LUZP2: variants seen among roughly 807,000 people sequenced by gnomAD.
LUZP2 encodes the protein leucine zipper protein 2.
Under a neutral mutation model 51.6 loss-of-function variants are expected in LUZP2, and 52 were observed. That is an observed-to-expected ratio of 1.01 (90% confidence interval 0.81 to 1.27). The LOEUF (loss-of-function observed/expected upper bound fraction) is 1.27, where lower values mean the gene tolerates loss of function less well. Ranked by LOEUF, LUZP2 falls within the 50% of genes most tolerant of loss-of-function variation. The probability of loss-of-function intolerance (pLI) is 0.00; values close to 1 mark genes in which losing one functional copy is unlikely to be tolerated. For synonymous variants in LUZP2, 154 were observed against 137.3 expected (o/e 1.12, Z -0.85); for missense variants, 436 against 395.4 (o/e 1.10, Z -0.87).
intron 2 of LUZP2, among the ~76,000 whole-genome samples, chr11:24,731,804 A>G (rs912477053): frequency 6.6e-6 from 1 of 151,826 alleles, no homozygotes; most frequent in African/African-American, 2.4e-5. Flanking sequence ...TGCAGAGAAC[A>G]CAGTAAAACT....
chr11:24,754,635 A>G (rs1859706846), intron 4 of LUZP2, among the ~76,000 whole-genome samples: 1 of 152,164 alleles, frequency 6.6e-6, no homozygotes. Context: ...CATATGAAGC[A>G]TATCAACTGC....
intron 1 of LUZP2, among the ~76,000 whole-genome samples, chr11:24,619,270 G>A (rs1019009144): frequency 4.6e-5 from 7 of 152,012 alleles, no homozygotes; most frequent in South Asian, 2.1e-4. Context: ...CTGGCTTCAC[G>A]CAATCCTCCT....
intron 1 of LUZP2, among the ~76,000 whole-genome samples, chr11:24,511,703 T>C (rs1173555060): frequency 6.6e-6 from 1 of 152,224 alleles, no homozygotes; most frequent in Non-Finnish European, 1.5e-5. Flanking sequence ...TATATTGTGG[T>C]TTAGACATAT....
rs184247804 is a variant in LUZP2 at position 24,997,189 on chromosome 11, G to A, written c.765+13896G>A. ...TCTAGTTCTAGATCCCTGAGGAATC[G>A]CCACACTGACTTCCACAATGGTTGA... is the stretch of plus-strand genomic sequence containing the variant. On this transcript the variant is annotated intron_variant, in intron 9 of 11. Transcript: ENST00000336930. 6.6e-3 allele frequency among the ~76,000 whole-genome samples: 996 copies of A among 151,074 alleles called. 33 individuals carry two copies. In the East Asian group the frequency reaches 0.094, roughly 14 times the overall value.
At chr11:24,566,594 G>GTATATATA (rs199745442) in intron 1 of LUZP2, among the ~76,000 whole-genome samples, 29 of 130,702 alleles carry the variant, frequency 2.2e-4, no homozygotes, top group African/African-American at 9.0e-4. Flanking sequence ...ATGTATGTGT[G>GTATATATA]TATATATATA....
intron 5 of LUZP2, among the ~76,000 whole-genome samples, chr11:24,895,188 T>G (rs769888006): frequency 2.0e-4 from 30 of 152,106 alleles, no homozygotes; most frequent in Non-Finnish European, 4.0e-4. Flanking sequence ...CTGAAACAAA[T>G]GTGCTAAGTA....
intron 10 of LUZP2, among the ~76,000 whole-genome samples, chr11:25,063,940 A>G (rs1017837464): frequency 6.6e-6 from 1 of 151,776 alleles, no homozygotes; most frequent in Admixed American, 6.6e-5. Flanking sequence ...ACCAGACTCA[A>G]TATTAAACTT....
intron 7 of LUZP2, among the ~76,000 whole-genome samples, chr11:24,933,121 G>A (rs1051056075): frequency 6.6e-6 from 1 of 152,194 alleles, no homozygotes; most frequent in Non-Finnish European, 1.5e-5. Flanking sequence ...GTTCAGGGGT[G>A]CACAATCCTC....
intron 1 of LUZP2, among the ~76,000 whole-genome samples, chr11:24,581,218 C>A (rs893233376): frequency 3.4e-5 from 5 of 148,946 alleles, no homozygotes; most frequent in African/African-American, 5.0e-5. Flanking sequence ...AAAAAAAATT[C>A]TCCCCACTTA....
chr11:24,830,642 G>A (rs927571791), intron 5 of LUZP2, among the ~76,000 whole-genome samples: 5 of 151,984 alleles, frequency 3.3e-5, no homozygotes, highest in Admixed American at 6.6e-5. Context: ...TATTATTACC[G>A]CAATTTTAGA....
At chr11:25,031,606 C>T (rs573478999) in intron 9 of LUZP2, among the ~76,000 whole-genome samples, 1 of 152,084 alleles carries the variant, frequency 6.6e-6, no homozygotes, top group Non-Finnish European at 1.5e-5. Flanking sequence ...GTTTTCTATT[C>T]CCACAATTTG....
At chr11:24,708,730 CCAGA>C (rs34484702) in intron 1 of LUZP2, among the ~76,000 whole-genome samples, 2,333 of 152,176 alleles carry the variant, frequency 0.015, 39 homozygotes, top group Middle Eastern at 0.027. Flanking sequence ...TGCCAAGTTG[CCAGA>C]CAATGATGAT....
At chr11:24,736,207 TTATCTATC>T (rs564438576) in intron 3 of LUZP2, among the ~76,000 whole-genome samples, 1 of 146,780 alleles carries the variant, frequency 6.8e-6, no homozygotes, top group Non-Finnish European at 1.5e-5. Flanking sequence ...CACACATACA[TTATCTATC>T]TATCTATCTA....
At position 24,662,513 on chromosome 11, in the gene LUZP2, A is replaced by G. The variant is rs147732330; in HGVS notation, c.63-66656A>G. 4.6e-5 allele frequency among the ~76,000 whole-genome samples: 7 copies of G among 152,270 alleles called. No homozygotes were observed. The East Asian group carries it at 1.3e-3, about 29-fold the overall frequency. ...AAAAAATGTTTGAGATAAGTGATGGATATTGAAATCGAAACATCATTCTAT... is the reference window on the plus strand; with the variant it reads ...AAAAAATGTTTGAGATAAGTGATGGGTATTGAAATCGAAACATCATTCTAT... On this transcript the variant is annotated intron_variant, in intron 1 of 11. Coordinates refer to ENST00000336930, the MANE Select transcript of LUZP2 (RefSeq NM_001009909.4).
intron 1 of LUZP2, among the ~76,000 whole-genome samples, chr11:24,681,573 A>G (rs1363839721): frequency 6.6e-6 from 1 of 152,210 alleles, no homozygotes; most frequent in East Asian, 1.9e-4. Flanking sequence ...TTGGTAAATT[A>G]TCTAACATAT....
intron 1 of LUZP2, among the ~76,000 whole-genome samples, chr11:24,707,276 ATCTC>A (rs148639231): frequency 6.8e-6 from 1 of 147,318 alleles, no homozygotes; most frequent in Non-Finnish European, 1.5e-5. Flanking sequence ...CACTCTTTCT[ATCTC>A]TCTCTCTCTC....
chr11:24,811,550 G>C (rs1202551767), intron 5 of LUZP2, among the ~76,000 whole-genome samples: 1 of 151,676 alleles, frequency 6.6e-6, no homozygotes, highest in Non-Finnish European at 1.5e-5. Context: ...TTGTTACATA[G>C]ATAAATTATG....
intron 7 of LUZP2, among the ~76,000 whole-genome samples, chr11:24,922,052 TTA>T (rs1308326815): frequency 9.3e-5 from 14 of 150,672 alleles, no homozygotes; most frequent in African/African-American, 3.5e-4. Context: ...TGGATATTAA[TTA>T]TTTTTTTTTT....
intron 7 of LUZP2, among the ~76,000 whole-genome samples, chr11:24,957,906 C>G (rs1248974706): frequency 1.3e-5 from 2 of 152,158 alleles, no homozygotes; most frequent in African/African-American, 4.8e-5. Flanking sequence ...CCTCCCCTCC[C>G]CAACCCCACA....
Sources: gnomAD v4.1 joint callset for allele counts (sites outside exome capture counted in the v4.1 genomes callset) on GRCh38, gnomAD v4.1.1 for gene constraint, MANE v1.5 for transcripts, NCBI Gene and HGNC (gene_info 2026-07-23, HGNC 2026-07-21) for gene names.